The following BCAT1 variants were observed in gnomAD, a reference collection of about 807,000 sequenced individuals.
BCAT1 encodes branched-chain-amino-acid aminotransferase, cytosolic.
In BCAT1, 48 loss-of-function variants were observed where a neutral mutation model predicts 52.4. The ratio of observed to expected loss-of-function variants is 0.92; its 90% CI spans 0.73 to 1.16. BCAT1 has a LOEUF of 1.16. Among genes scored for constraint, BCAT1 ranks in the 50% most tolerant of loss-of-function variants. The probability of loss-of-function intolerance (pLI) is 0.00; values close to 1 mark genes in which losing one functional copy is unlikely to be tolerated. For synonymous variants in BCAT1, 167 were observed against 161.3 expected, an observed-to-expected ratio of 1.04 and a Z score of -0.27; for missense variants, 451 against 457.1, an observed-to-expected ratio of 0.99 and a Z score of 0.12.
chr12:24,895,834 G>T (rs1458483966), intron 2 of BCAT1, among the ~76,000 whole-genome samples: 1 of 152,076 alleles, frequency 6.6e-6, no homozygotes, highest in Non-Finnish European at 1.5e-5. Context: ...TGTATTTTTA[G>T]AATAATATTC....
chr12:24,874,101 G>T (rs1942259549), intron 5 of BCAT1, among the ~76,000 whole-genome samples: 1 of 152,086 alleles, frequency 6.6e-6, no homozygotes, highest in South Asian at 2.1e-4. Context: ...AACACCTGAG[G>T]TCAGGAGTTT....
intron 5 of BCAT1, among the ~76,000 whole-genome samples, chr12:24,868,320 C>A (rs1206595103): frequency 1.3e-5 from 2 of 151,830 alleles, no homozygotes; most frequent in African/African-American, 4.8e-5. Context: ...TACCCCACAT[C>A]TAGGAAAATG....
intron 1 of BCAT1, among the ~76,000 whole-genome samples, chr12:24,943,991 G>GAA (rs147669546): frequency 1.1e-4 from 15 of 139,820 alleles, no homozygotes; most frequent in South Asian, 4.4e-4. Flanking sequence ...CTCAACAAAA[G>GAA]AAAAAAAAAA....
At chr12:24,908,653 A>T (rs1299982706) in intron 1 of BCAT1, among the ~76,000 whole-genome samples, 2 of 152,118 alleles carry the variant, frequency 1.3e-5, no homozygotes, top group Non-Finnish European at 2.9e-5. Flanking sequence ...AGATGAGAGG[A>T]TCACTTGAGC....
chr12:24,844,940 C>G (rs1941298484), intron 6 of BCAT1, among the ~76,000 whole-genome samples: 1 of 140,700 alleles, frequency 7.1e-6, no homozygotes, highest in Admixed American at 7.2e-5. Flanking sequence ...GGGCCAGGCA[C>G]AGTGGCTCAT....
chr12:24,842,603 T>A (rs1941208598), intron 6 of BCAT1, among the ~76,000 whole-genome samples: 1 of 152,202 alleles, frequency 6.6e-6, no homozygotes, highest in Non-Finnish European at 1.5e-5. Flanking sequence ...AGATAGACAC[T>A]ATCATTATTT....
chr12:24,840,767 G>C (rs1312689301), intron 7 of BCAT1, among the ~76,000 whole-genome samples: 1 of 152,198 alleles, frequency 6.6e-6, no homozygotes, highest in African/African-American at 2.4e-5. Flanking sequence ...ATTAGAGCAA[G>C]AGAGGCTACT....
intron 7 of BCAT1, among the ~76,000 whole-genome samples, chr12:24,839,309 G>C (rs1941100756): frequency 6.6e-6 from 1 of 152,198 alleles, no homozygotes; most frequent in Non-Finnish European, 1.5e-5. Flanking sequence ...ATCTGAGGAA[G>C]AGTGCTCCAA....
intron 5 of BCAT1, among the ~76,000 whole-genome samples, chr12:24,874,058 T>C (rs972778384): frequency 2.0e-5 from 3 of 152,222 alleles, no homozygotes; most frequent in Non-Finnish European, 4.4e-5. Flanking sequence ...CTCATGCCTG[T>C]AATCCAGCAC....
chr12:24,923,671 T>C (rs1039186860), intron 1 of BCAT1, among the ~76,000 whole-genome samples: 1 of 152,104 alleles, frequency 6.6e-6, no homozygotes, highest in Non-Finnish European at 1.5e-5. Flanking sequence ...CGGCTTCCCA[T>C]AGTGCTGGAA....
At chr12:24,829,148 C>T (rs1479005140) in intron 10 of BCAT1, among the ~76,000 whole-genome samples, 2 of 152,046 alleles carry the variant, frequency 1.3e-5, no homozygotes, top group African/African-American at 2.4e-5. Context: ...ATTTAGGAGG[C>T]CAAGGCAGGT....
At chr12:24,900,041 A>T (rs909670106) in intron 2 of BCAT1, among the ~76,000 whole-genome samples, 33 of 151,280 alleles carry the variant, frequency 2.2e-4, no homozygotes, top group African/African-American at 6.4e-4. Context: ...ATATATATAT[A>T]TTTTGTTTGT....
intron 6 of BCAT1, among the ~76,000 whole-genome samples, chr12:24,844,736 A>C (rs1192591237): frequency 6.6e-6 from 1 of 150,676 alleles, no homozygotes; most frequent in Non-Finnish European, 1.5e-5. Context: ...TCTCTACTAA[A>C]AATACTAAAA....
At chr12:24,825,135 G>GTATATA (rs10548732) in intron 10 of BCAT1, among the ~76,000 whole-genome samples, 2 of 146,478 alleles carry the variant, frequency 1.4e-5, no homozygotes, top group African/African-American at 5.1e-5. Flanking sequence ...GTGTGTGTGT[G>GTATATA]TATATATATA....
chr12:24,948,831 T>A (rs1479459238), intron 1 of BCAT1, 96 bp downstream of exon 1: 1 of 1,389,022 alleles, frequency 7.2e-7, no homozygotes, highest in Non-Finnish European at 1.0e-6. Flanking sequence ...TGTCTCGCCT[T>A]CCTCCCCTCC....
At chr12:24,895,418 C>T (rs1942936937) in intron 2 of BCAT1, among the ~76,000 whole-genome samples, 1 of 151,806 alleles carries the variant, frequency 6.6e-6, no homozygotes, top group Admixed American at 6.6e-5. Context: ...CGCAGCTACT[C>T]AGGAGGCTGA....
chr12:24,904,206 T>C (rs1165924730), intron 1 of BCAT1: 1 of 152,382 alleles, frequency 6.6e-6, no homozygotes, highest in East Asian at 1.9e-4. Context: ...AGATAAGTTT[T>C]GTCCTTGTTG....
In BCAT1 at chr12:24,812,213, C is replaced by T. The variant is rs1566542477; in HGVS notation, c.*5795G>A. On this transcript the variant is annotated 3_prime_UTR_variant, in exon 11 of 11. Coordinates refer to ENST00000261192, the MANE Select transcript of BCAT1 (RefSeq NM_005504.7). ...ATAGGAAACTAGTTTGAGGAAACTG[C>T]AATGTGTTATTGCACATTTTAGTTA... 1 of 152,046 alleles carries T rather than the reference C, an allele frequency of 6.6e-6. No homozygotes were observed. Among genetic ancestry groups the T allele is most frequent in the African/African-American group, 2.4e-5 (1 of 41,424 alleles). The allele number at this position is 152,046 out of a possible 1,614,324, so 9.4% of individuals were successfully genotyped here.
intron 1 of BCAT1, among the ~76,000 whole-genome samples, chr12:24,933,569 G>A (rs986330739): frequency 6.6e-6 from 1 of 152,048 alleles, no homozygotes; most frequent in African/African-American, 2.4e-5. Context: ...ATCCCCTCAC[G>A]CCAGGGGAGG....
Sources: allele counts gnomAD v4.1 joint callset (sites outside exome capture counted in the v4.1 genomes callset), GRCh38; gene constraint gnomAD v4.1.1; transcripts MANE v1.5; gene names NCBI Gene and HGNC (gene_info 2026-07-23, HGNC 2026-07-21).